Variants in CAST observed in about 807,000 individuals in gnomAD.
The protein encoded by CAST is MIR583 host.
A neutral mutation model predicts 119.6 loss-of-function variants in CAST; 76 were observed. The ratio of observed to expected loss-of-function variants is 0.64; its 90% CI spans 0.53 to 0.77. The LOEUF is 0.77. CAST is among the 30% of genes least tolerant of loss of function. CAST has a pLI of 0.00. For missense variants in CAST, 953 were observed against 946.5 expected (o/e 1.01, Z -0.09); for synonymous variants, 319 against 331.6 (o/e 0.96, Z 0.41).
At chr5:96,367,031 A>T in the CAST span, among the ~76,000 whole-genome samples, 1 of 152,102 alleles carries the variant, frequency 6.6e-6, no homozygotes, top group African/African-American at 2.4e-5. Context: ...TCTGTTTGTT[A>T]GTTTCCCTTC....
At chr5:96,079,234 A>C in the CAST span, 1 of 399,828 alleles carries the variant, frequency 2.5e-6, no homozygotes. Flanking sequence ...GGCCCCCTTC[A>C]TTTCACTCCC....
the CAST span, among the ~76,000 whole-genome samples, chr5:96,334,768 G>A: frequency 6.6e-6 from 1 of 152,166 alleles, no homozygotes; most frequent in Non-Finnish European, 1.5e-5. Context: ...AAGCACAAAA[G>A]TGATCCTTAC....
chr5:96,425,053 AAAG>A, the CAST span, among the ~76,000 whole-genome samples: 41 of 127,124 alleles, frequency 3.2e-4, no homozygotes, highest in African/African-American at 1.3e-3. Flanking sequence ...AGAAAGAAAG[AAAG>A]AAAGAAAGAA....
At chr5:96,545,992 G>T (rs1420011912) in intron 1 of CAST, among the ~76,000 whole-genome samples, 1 of 152,154 alleles carries the variant, frequency 6.6e-6, no homozygotes, top group Non-Finnish European at 1.5e-5. Context: ...CAAGCAGTTA[G>T]CCATTGCCTG....
the CAST span, among the ~76,000 whole-genome samples, chr5:95,995,882 G>T: frequency 6.6e-6 from 1 of 152,116 alleles, no homozygotes; most frequent in Non-Finnish European, 1.5e-5. Context: ...AAGAAGCCAT[G>T]GAGCAGGGTG....
the CAST span, among the ~76,000 whole-genome samples, chr5:96,286,502 C>A: frequency 6.6e-6 from 1 of 152,090 alleles, no homozygotes; most frequent in Non-Finnish European, 1.5e-5. Context: ...AAGGGAGGGG[C>A]AAGATATGGA....
chr5:96,165,085 A>G, the CAST span, among the ~76,000 whole-genome samples: 1 of 152,126 alleles, frequency 6.6e-6, no homozygotes, highest in Non-Finnish European at 1.5e-5. Context: ...CTGAGGAGGA[A>G]GTGAGGCCTC....
the CAST span, chr5:96,432,015 C>A: frequency 8.9e-7 from 1 of 1,122,732 alleles, no homozygotes; most frequent in Non-Finnish European, 1.3e-6. Context: ...CAACCAGCTA[C>A]CTATCGACCA....
chr5:96,147,935 G>A, the CAST span, among the ~76,000 whole-genome samples: 4 of 152,236 alleles, frequency 2.6e-5, no homozygotes, highest in Admixed American at 1.3e-4. Context: ...TGTTAGCTCA[G>A]TATTAGAAAA....
At chr5:96,340,861 C>T in the CAST span, among the ~76,000 whole-genome samples, 2 of 152,184 alleles carry the variant, frequency 1.3e-5, no homozygotes, top group African/African-American at 2.4e-5. Context: ...TACATTACAG[C>T]TGTAAGTCTA....
chr5:96,041,553 G>A, the CAST span, among the ~76,000 whole-genome samples: 2 of 152,094 alleles, frequency 1.3e-5, no homozygotes, highest in African/African-American at 4.8e-5. Context: ...ATAAACTACT[G>A]TGGACCTTAG....
At chr5:96,264,557 C>T in the CAST span, among the ~76,000 whole-genome samples, 2 of 152,130 alleles carry the variant, frequency 1.3e-5, no homozygotes, top group African/African-American at 4.8e-5. Context: ...GGCTTTGTGC[C>T]TTCTTATTCT....
the CAST span, among the ~76,000 whole-genome samples, chr5:96,411,810 T>G: frequency 3.3e-5 from 5 of 152,300 alleles, no homozygotes; most frequent in East Asian, 9.6e-4. Flanking sequence ...TTCATTTTAT[T>G]TATTTATATT....
At chr5:96,386,074 C>T in the CAST span, among the ~76,000 whole-genome samples, 3 of 152,114 alleles carry the variant, frequency 2.0e-5, no homozygotes, top group South Asian at 2.1e-4. Flanking sequence ...TTCGTTTTTA[C>T]GATTCTTGTG....
chr5:95,994,165 G>T, the CAST span, among the ~76,000 whole-genome samples: 5 of 152,086 alleles, frequency 3.3e-5, no homozygotes, highest in South Asian at 2.1e-4. Flanking sequence ...CTATTTTGTA[G>T]GTATTTGTCC....
the CAST span, among the ~76,000 whole-genome samples, chr5:96,239,040 G>A: frequency 6.6e-6 from 1 of 151,964 alleles, no homozygotes; most frequent in Admixed American, 6.6e-5. Flanking sequence ...TACCAACTTT[G>A]GTGAGAGTGT....
At chr5:96,097,974 A>G in the CAST span, among the ~76,000 whole-genome samples, 1 of 152,176 alleles carries the variant, frequency 6.6e-6, no homozygotes, top group Non-Finnish European at 1.5e-5. Flanking sequence ...ATTTTTCTCT[A>G]CAACCTTACC....
At chr5:96,491,506 A>C in the CAST span, among the ~76,000 whole-genome samples, 1 of 90,976 alleles carries the variant, frequency 1.1e-5, no homozygotes, top group Non-Finnish European at 2.5e-5. Context: ...AAAAAAAAAA[A>C]AAAAAAAAAA....
chr5:96,392,916 G>C, the CAST span: 1 of 1,364,798 alleles, frequency 7.3e-7, no homozygotes, highest in African/African-American at 1.4e-5. Context: ...AAGAATTCAT[G>C]ACAAAACAAC....
Sources: gnomAD v4.1 joint callset for allele counts (sites outside exome capture counted in the v4.1 genomes callset) on GRCh38, gnomAD v4.1.1 for gene constraint, MANE v1.5 for transcripts, NCBI Gene and HGNC (gene_info 2026-07-23, HGNC 2026-07-21) for gene names.